Variants in DRC8 observed in about 807,000 individuals in gnomAD.
The protein encoded by DRC8 is dynein regulatory complex protein 8.
the DRC8 span, among the ~76,000 whole-genome samples, chr1:245,075,959 G>C: frequency 6.6e-6 from 1 of 152,166 alleles, no homozygotes; most frequent in African/African-American, 2.4e-5. Context: ...AGGCATCACC[G>C]CTAACCCACA....
the DRC8 span, among the ~76,000 whole-genome samples, chr1:245,056,791 G>T: frequency 3.3e-5 from 5 of 151,988 alleles, no homozygotes; most frequent in African/African-American, 1.2e-4. Flanking sequence ...CAAAAAATTA[G>T]CTGGGCGTGG....
chr1:245,040,807 A>C, the DRC8 span, among the ~76,000 whole-genome samples: 1 of 152,176 alleles, frequency 6.6e-6, no homozygotes, highest in Non-Finnish European at 1.5e-5. Context: ...TGAATTACTC[A>C]ACAAATATTT....
chr1:244,988,921 T>A, the DRC8 span, among the ~76,000 whole-genome samples: 1 of 152,200 alleles, frequency 6.6e-6, no homozygotes, highest in Non-Finnish European at 1.5e-5. Context: ...TTATTTATCC[T>A]AAAGATTACA....
the DRC8 span, among the ~76,000 whole-genome samples, chr1:244,995,115 C>A: frequency 6.6e-6 from 1 of 152,082 alleles, no homozygotes; most frequent in Non-Finnish European, 1.5e-5. Context: ...GTCATCCCCA[C>A]ACTTTGGGAG....
the DRC8 span, among the ~76,000 whole-genome samples, chr1:244,994,070 T>C: frequency 4.6e-5 from 7 of 152,194 alleles, no homozygotes; most frequent in Admixed American, 2.6e-4. Flanking sequence ...GACTCAGTCT[T>C]ACTGTCCAGA....
chr1:245,035,737 C>T, the DRC8 span, among the ~76,000 whole-genome samples: 1 of 151,888 alleles, frequency 6.6e-6, no homozygotes, highest in South Asian at 2.1e-4. Context: ...CACGGTGGTA[C>T]ACACCTGTAA....
the DRC8 span, among the ~76,000 whole-genome samples, chr1:245,002,878 G>T: frequency 3.3e-5 from 5 of 151,756 alleles, no homozygotes; most frequent in Non-Finnish European, 7.4e-5. Context: ...TTGTTGTGTA[G>T]CCGCCACCAC....
the DRC8 span, among the ~76,000 whole-genome samples, chr1:245,096,453 T>C: frequency 6.0e-4 from 91 of 152,342 alleles, no homozygotes; most frequent in Admixed American, 4.1e-3. Context: ...TCAGCATTCA[T>C]TGGATTCTCA....
the DRC8 span, among the ~76,000 whole-genome samples, chr1:244,976,149 A>G: frequency 1.3e-5 from 2 of 151,998 alleles, no homozygotes; most frequent in African/African-American, 2.4e-5. Context: ...GTTGCCTGTT[A>G]TCCCAGCTAC....
chr1:245,069,834 G>A, the DRC8 span, among the ~76,000 whole-genome samples: 1 of 152,202 alleles, frequency 6.6e-6, no homozygotes, highest in South Asian at 2.1e-4. Context: ...TTGAAGCCAG[G>A]AGTTCGGGAC....
chr1:245,093,214 T>C, the DRC8 span, among the ~76,000 whole-genome samples: 1 of 152,180 alleles, frequency 6.6e-6, no homozygotes, highest in Non-Finnish European at 1.5e-5. Context: ...TTTGCTGTCA[T>C]GGTGCTATTA....
At chr1:245,119,672 G>A in the DRC8 span, among the ~76,000 whole-genome samples, 118 of 149,536 alleles carry the variant, frequency 7.9e-4, 2 homozygotes, top group East Asian at 0.016. Flanking sequence ...GGTGGCTCAC[G>A]CCTGTAATCC....
the DRC8 span, among the ~76,000 whole-genome samples, chr1:245,072,106 C>T: frequency 6.6e-6 from 1 of 152,192 alleles, no homozygotes. Context: ...TTTATGGCCA[C>T]ACAGAAACCT....
the DRC8 span, among the ~76,000 whole-genome samples, chr1:245,054,585 T>G: frequency 6.6e-6 from 1 of 152,166 alleles, no homozygotes; most frequent in Non-Finnish European, 1.5e-5. Context: ...GGATGTTCAC[T>G]TCCCTCTCTG....
the DRC8 span, among the ~76,000 whole-genome samples, chr1:245,028,363 G>A: frequency 6.6e-6 from 1 of 152,234 alleles, no homozygotes; most frequent in Non-Finnish European, 1.5e-5. Flanking sequence ...TGATGCTGCT[G>A]TAATTGTGAC....
the DRC8 span, among the ~76,000 whole-genome samples, chr1:245,061,047 A>G: frequency 6.6e-6 from 1 of 152,106 alleles, no homozygotes; most frequent in Non-Finnish European, 1.5e-5. Context: ...AAGGTTGCCA[A>G]CTCCTGATCT....
the DRC8 span, among the ~76,000 whole-genome samples, chr1:245,064,785 T>C: frequency 6.6e-6 from 1 of 152,186 alleles, no homozygotes; most frequent in African/African-American, 2.4e-5. Context: ...ATTGAGATAG[T>C]GCAAATCCAT....
At chr1:244,970,525 G>T in the DRC8 span, 1 of 1,484,488 alleles carries the variant, frequency 6.7e-7, no homozygotes. Context: ...GGGTGGGGTG[G>T]GCCCTCGTCC....
At chr1:245,005,374 G>A in the DRC8 span, among the ~76,000 whole-genome samples, 3 of 150,804 alleles carry the variant, frequency 2.0e-5, no homozygotes, top group Admixed American at 6.6e-5. Flanking sequence ...TTTTTTAGAC[G>A]GAGCCTCACT....
Sources: gnomAD v4.1 joint callset for allele counts (sites outside exome capture counted in the v4.1 genomes callset) on GRCh38, gnomAD v4.1.1 for gene constraint, MANE v1.5 for transcripts, NCBI Gene and HGNC (gene_info 2026-07-23, HGNC 2026-07-21) for gene names.